Variants in GUCY1B1 observed in about 807,000 individuals in gnomAD.
GUCY1B1 encodes guanylate cyclase soluble subunit beta-1.
A neutral mutation model predicts 71.0 loss-of-function variants in GUCY1B1; 43 were observed. The observed-to-expected ratio is 0.61, with a 90% confidence interval of 0.47 to 0.78. The LOEUF (loss-of-function observed/expected upper bound fraction) is 0.78, where lower values mean the gene tolerates loss of function less well. GUCY1B1 is among the 30% of genes least tolerant of loss of function. The pLI is 0.00. For synonymous variants in GUCY1B1, 266 were observed against 259.7 expected, an observed-to-expected ratio of 1.02 and a Z score of -0.23; for missense variants, 535 against 754.1, an observed-to-expected ratio of 0.71 and a Z score of 3.40.
At chr4:155,772,585 T>A in intron 2 of GUCY1B1, 1 of 596,722 alleles carries the variant, frequency 1.7e-6, no homozygotes, top group East Asian at 2.9e-5. Context: ...CCTGCCTAAT[T>A]TTTTTTTTAT....
chr4:155,790,551 G>A lies in GUCY1B1; in HGVS notation c.495+640G>A, dbSNP rs907716290. Among the ~76,000 whole-genome samples, 6 of 152,202 alleles carry A rather than the reference G, an allele frequency of 3.9e-5. No individual in the cohort carries two copies. The East Asian group carries it at 7.7e-4, about 20-fold the overall frequency. On this transcript the variant is annotated intron_variant, in intron 5 of 13. Coordinates refer to ENST00000264424, the MANE Select transcript of GUCY1B1 (RefSeq NM_000857.5). Reference sequence around the variant, plus strand: ...GTTTCTCTTTACCTCTGGCCCTTACGGTTTCTCCCAGTCAGGCTGCTTTTT... The same window carrying A: ...GTTTCTCTTTACCTCTGGCCCTTACAGTTTCTCCCAGTCAGGCTGCTTTTT...
intron 4 of GUCY1B1, among the ~76,000 whole-genome samples, chr4:155,782,450 T>A (rs1252368191): frequency 6.6e-6 from 1 of 152,194 alleles, no homozygotes; most frequent in East Asian, 1.9e-4. Flanking sequence ...AAAGAATACA[T>A]GGGATTTGAA....
At chr4:155,791,984 T>C (rs1401542938) in intron 5 of GUCY1B1, among the ~76,000 whole-genome samples, 1 of 152,180 alleles carries the variant, frequency 6.6e-6, no homozygotes, top group Non-Finnish European at 1.5e-5. Context: ...GCAAACTGTA[T>C]GAAATTCAAG....
intron 4 of GUCY1B1, among the ~76,000 whole-genome samples, chr4:155,786,829 G>A (rs1192725941): frequency 6.6e-6 from 1 of 151,256 alleles, no homozygotes. Context: ...GCTGGTTCTC[G>A]AACTCCTGAC....
At chr4:155,795,284 A>G (rs56246223) in intron 6 of GUCY1B1, 57 bp from the exon 7 acceptor site, 45,218 of 806,256 alleles carry the variant, frequency 0.056, 1,571 homozygotes, top group Non-Finnish European at 0.072. Context: ...ATTAATATCA[A>G]AGTATAAAAA....
chr4:155,760,518 T>A (rs1221108200), intron 2 of GUCY1B1, among the ~76,000 whole-genome samples: 9 of 149,994 alleles, frequency 6.0e-5, no homozygotes, highest in African/African-American at 2.2e-4. Context: ...CCTGGAGCTT[T>A]GAGCCCAGTA....
At chr4:155,786,045 C>T (rs1738742179) in intron 4 of GUCY1B1, among the ~76,000 whole-genome samples, 1 of 152,010 alleles carries the variant, frequency 6.6e-6, no homozygotes, top group South Asian at 2.1e-4. Flanking sequence ...TGTCCACTCT[C>T]TGACTTGCCC....
At position 155,759,024 on chromosome 4, in the gene GUCY1B1, C is replaced by T; in HGVS notation, c.-117C>T. ...GCGGGCCAAGGCGGCTGTTCTCGCT[C>T]CAGCTCGATGCTGCCTCCCCGGCCC... On this transcript the variant is annotated 5_prime_UTR_variant, in exon 1 of 14. Coordinates refer to ENST00000264424, the MANE Select transcript of GUCY1B1 (RefSeq NM_000857.5). The T allele has an allele frequency of 1.7e-6, 2 of 1,159,660 alleles. No homozygotes were observed. Among genetic ancestry groups the T allele is most frequent in the South Asian group, 1.3e-5 (1 of 76,536 alleles). The allele number at this position is 1,159,660 out of a possible 1,614,324, so 71.8% of individuals were successfully genotyped here.
chr4:155,789,770 T>G lies in GUCY1B1; in HGVS notation c.354T>G (p.Pro118=), dbSNP rs1388606660. 1 of 1,610,318 alleles carries G rather than the reference T, an allele frequency of 6.2e-7. No homozygotes were observed. The highest frequency in any genetic ancestry group is 1.3e-5 in the African/African-American group (1 of 74,842). ...CCATCTACCCAGGAATGCGTGCACC[T>G]TCCTTTAGGTGCACTGATGCAGAAA... ...LATIYPGMRA[P]SFRCTDAEKG... is the part of the protein sequence containing the mutation. The change falls in exon 5 of 14, where the codon CCT becomes CCG. Residue 118 remains proline (P), a synonymous_variant. Coordinates refer to ENST00000264424, the MANE Select transcript of GUCY1B1 (RefSeq NM_000857.5).
In GUCY1B1 at chr4:155,802,122, G is replaced by T; in HGVS notation, c.1176-220G>T. 1 of 1,029,612 alleles carries T rather than the reference G, an allele frequency of 9.7e-7. No individual in the cohort carries two copies. The highest frequency in any genetic ancestry group is 1.7e-5 in the South Asian group (1 of 57,800). 63.8% of individuals were successfully genotyped at this position (1,029,612 alleles called of 1,614,324 possible). On this transcript the variant is annotated intron_variant, in intron 9 of 13. Coordinates refer to ENST00000264424, the MANE Select transcript of GUCY1B1 (RefSeq NM_000857.5). This position sits in a 1 kb window ranked among gnomAD's most constrained non-coding sequence, Gnocchi z 4.3. ...TTGGTTTGAACTAGTTTGGGCTTGCGGATGTCTTATGTGATTAGGATGAAC... is the reference window on the plus strand; with the variant it reads ...TTGGTTTGAACTAGTTTGGGCTTGCTGATGTCTTATGTGATTAGGATGAAC...
At chr4:155,804,820 G>C (rs1740208245) in intron 12 of GUCY1B1, 73 bp downstream of exon 12, 3 of 1,366,136 alleles carry the variant, frequency 2.2e-6, no homozygotes, top group Non-Finnish European at 2.0e-6. Flanking sequence ...AATTCTCTGA[G>C]AGATTTTGTT....
At chr4:155,768,456 GTT>G (rs35462860) in intron 2 of GUCY1B1, among the ~76,000 whole-genome samples, 31,540 of 128,412 alleles carry the variant, frequency 0.25, 1,962 homozygotes, top group Middle Eastern at 0.39. Context: ...TTACTTGTTT[GTT>G]TTTTTTTTTT....
At chr4:155,786,087 G>A (rs1245196185) in intron 4 of GUCY1B1, among the ~76,000 whole-genome samples, 2 of 149,606 alleles carry the variant, frequency 1.3e-5, no homozygotes, top group South Asian at 2.2e-4. Context: ...CATAAGTGGT[G>A]CAAGTCGTTA....
intron 2 of GUCY1B1, among the ~76,000 whole-genome samples, chr4:155,762,611 C>T (rs2110962032): frequency 1.3e-5 from 2 of 152,244 alleles, no homozygotes; most frequent in South Asian, 4.1e-4. Flanking sequence ...CTCTTACCAA[C>T]AATATAACCA....
At chr4:155,785,520 T>C (rs1738704359) in intron 4 of GUCY1B1, among the ~76,000 whole-genome samples, 1 of 152,194 alleles carries the variant, frequency 6.6e-6, no homozygotes, top group South Asian at 2.1e-4. Context: ...GTGGATGAAC[T>C]ATCATCTTTG....
At chr4:155,769,654 G>A (rs1737565127) in intron 2 of GUCY1B1, among the ~76,000 whole-genome samples, 1 of 152,034 alleles carries the variant, frequency 6.6e-6, no homozygotes, top group Non-Finnish European at 1.5e-5. Flanking sequence ...TTTGATAGAT[G>A]AGCACTCTTG....
At chr4:155,775,141 A>C in intron 3 of GUCY1B1, 73 bp downstream of exon 3, 10 of 820,040 alleles carry the variant, frequency 1.2e-5, no homozygotes, top group Non-Finnish European at 1.7e-5. Context: ...GTTCAAGATC[A>C]CAACGCAGGG....
At chr4:155,763,182 T>C (rs1407357015) in intron 2 of GUCY1B1, among the ~76,000 whole-genome samples, 2 of 152,196 alleles carry the variant, frequency 1.3e-5, no homozygotes, top group Non-Finnish European at 2.9e-5. Flanking sequence ...AGATTTTTTC[T>C]CTGCTTTCTT....
intron 2 of GUCY1B1, among the ~76,000 whole-genome samples, chr4:155,761,430 C>A (rs1375772625): frequency 6.6e-6 from 1 of 152,080 alleles, no homozygotes; most frequent in Non-Finnish European, 1.5e-5. Context: ...TATGCTATGA[C>A]AATGAATATG....
Sources: gnomAD v4.1 joint callset for allele counts (sites outside exome capture counted in the v4.1 genomes callset) on GRCh38, gnomAD v4.1.1 for gene constraint, Gnocchi (gnomAD v3.1) non-coding constraint, MANE v1.5 for transcripts, NCBI Gene and HGNC (gene_info 2026-07-23, HGNC 2026-07-21) for gene names.